The following WNT2 variants were observed in gnomAD, a reference collection of about 807,000 sequenced individuals.
WNT2 encodes protein Wnt-2.
A neutral mutation model predicts 36.9 loss-of-function variants in WNT2; 12 were observed. The ratio of observed to expected loss-of-function variants is 0.33; its 90% CI spans 0.21 to 0.53. The LOEUF (loss-of-function observed/expected upper bound fraction) is 0.53. Ranked by LOEUF, WNT2 falls within the 20% of genes least tolerant of loss-of-function variation. WNT2 has a pLI of 0.95. For synonymous variants in WNT2, 163 were observed against 174.6 expected, an observed-to-expected ratio of 0.93 and a Z score of 0.52; for missense variants, 379 against 473.1, an observed-to-expected ratio of 0.80 and a Z score of 1.84.
chr7:117,307,439 C>T (rs1795035605), intron 3 of WNT2, among the ~76,000 whole-genome samples: 1 of 152,128 alleles, frequency 6.6e-6, no homozygotes, highest in Non-Finnish European at 1.5e-5. Flanking sequence ...GGATATAAGC[C>T]AAGCCTGTCT....
intron 4 of WNT2, among the ~76,000 whole-genome samples, chr7:117,294,788 C>T (rs888100412): frequency 6.6e-6 from 1 of 152,098 alleles, no homozygotes; most frequent in African/African-American, 2.4e-5. Context: ...AGAGTAAAAT[C>T]GTTGTTGAAA....
In WNT2 at chr7:117,322,626, T is replaced by C. The variant is rs1226293997; in HGVS notation, c.83+281A>G. On this transcript the variant is annotated intron_variant, in intron 1 of 4. Coordinates refer to ENST00000265441, the MANE Select transcript of WNT2 (RefSeq NM_003391.3). This position sits in a 1 kb window ranked among gnomAD's most constrained non-coding sequence, Gnocchi z 5.4. ...GCACGTCTCTCAACAGGATAAGAAA[T>C]TGGCTGATTTTGCTGTCGCTCAGCT... 6.6e-6 allele frequency among the ~76,000 whole-genome samples: 1 copy of C among 150,924 alleles called. No individual in the cohort carries two copies. The highest frequency in any genetic ancestry group is 6.6e-5 in the Admixed American group (1 of 15,174).
At chr7:117,294,059 T>A (rs1794741854) in intron 4 of WNT2, among the ~76,000 whole-genome samples, 1 of 152,142 alleles carries the variant, frequency 6.6e-6, no homozygotes, top group Non-Finnish European at 1.5e-5. Flanking sequence ...AAACCTCAAC[T>A]TTATTTATTT....
chr7:117,278,434 A>C (rs765192218), intron 4 of WNT2, 50 bp from the exon 5 acceptor site: 2 of 1,545,470 alleles, frequency 1.3e-6, no homozygotes, highest in African/African-American at 1.4e-5. Context: ...GTGGAATCCA[A>C]TATGCCTCCA....
intron 2 of WNT2, among the ~76,000 whole-genome samples, chr7:117,319,603 T>C (rs1485729090): frequency 1.3e-5 from 2 of 152,138 alleles, no homozygotes; most frequent in Non-Finnish European, 2.9e-5. Context: ...TTCTGTCAGA[T>C]TTTCTAATAG....
chr7:117,309,048 T>C (rs1196371545), intron 3 of WNT2, among the ~76,000 whole-genome samples: 5 of 151,248 alleles, frequency 3.3e-5, no homozygotes, highest in Non-Finnish European at 5.9e-5. Flanking sequence ...AAAAAATTAG[T>C]TGAGCACAGT....
At chr7:117,295,300 T>C (rs1346778779) in intron 4 of WNT2, among the ~76,000 whole-genome samples, 2 of 152,202 alleles carry the variant, frequency 1.3e-5, no homozygotes, top group African/African-American at 2.4e-5. Flanking sequence ...TTATAGACTT[T>C]CTGTGAGAGT....
chr7:117,313,191 C>T (rs1453468165), intron 3 of WNT2, among the ~76,000 whole-genome samples: 1 of 152,188 alleles, frequency 6.6e-6, no homozygotes, highest in Non-Finnish European at 1.5e-5. Context: ...GGAGTAGAGA[C>T]TGGGGGTCTA....
intron 3 of WNT2, among the ~76,000 whole-genome samples, chr7:117,301,729 T>G (rs1170654621): frequency 6.6e-6 from 1 of 152,136 alleles, no homozygotes; most frequent in Non-Finnish European, 1.5e-5. Context: ...AAAATTCTAC[T>G]ATAAATCACA....
chr7:117,311,827 C>A (rs1283189663), intron 3 of WNT2, among the ~76,000 whole-genome samples: 1 of 152,168 alleles, frequency 6.6e-6, no homozygotes, highest in Non-Finnish European at 1.5e-5. Flanking sequence ...CGTAGCACCA[C>A]AAAATGCCCT....
At chr7:117,279,703 T>C (rs1266089566) in intron 4 of WNT2, among the ~76,000 whole-genome samples, 1 of 152,184 alleles carries the variant, frequency 6.6e-6, no homozygotes, top group African/African-American at 2.4e-5. Flanking sequence ...TCCTAGAGAC[T>C]CTGTATCCTT....
intron 4 of WNT2, among the ~76,000 whole-genome samples, chr7:117,286,839 G>T (rs1584677101): frequency 6.6e-6 from 1 of 152,040 alleles, no homozygotes; most frequent in African/African-American, 2.4e-5. Flanking sequence ...AGTTTGACTG[G>T]CACAGGAAAG....
rs140865051 is a variant in WNT2 at position 117,283,330 on chromosome 7, G to A, written c.854-4946C>T. Among the ~76,000 whole-genome samples the A allele has an allele frequency of 3.6e-3, 547 of 152,302 alleles. 7 individuals are homozygous for A. Among genetic ancestry groups the A allele is most frequent in the African/African-American group, 0.012 (503 of 41,554 alleles). ...TACTTTTTTGTTATTGTTCACATGC[G>A]CTGAGCAGCAGTAAACATTCTTCCC... On this transcript the variant is annotated intron_variant, in intron 4 of 4. Transcript: ENST00000265441.
rs2024233 is a variant in WNT2, at chr7:117,277,373, G to C, written c.*782C>G. On this transcript the variant is annotated 3_prime_UTR_variant, in exon 5 of 5. Transcript: ENST00000265441. ...ATTCATCTTCTTTTTAATTCCCTTCGGATTCTAAGTGAGAAGGAACTCTCA... is the reference window on the plus strand; with the variant it reads ...ATTCATCTTCTTTTTAATTCCCTTCCGATTCTAAGTGAGAAGGAACTCTCA... 2 of 152,106 alleles carry C rather than the reference G, an allele frequency of 1.3e-5. No individual in the cohort carries two copies. Among genetic ancestry groups the C allele is most frequent in the African/African-American group, 4.8e-5 (2 of 41,484 alleles). 9.4% of individuals were successfully genotyped at this position (152,106 alleles called of 1,614,324 possible).
intron 3 of WNT2, among the ~76,000 whole-genome samples, chr7:117,306,299 G>A (rs1028831387): frequency 1.3e-5 from 2 of 152,168 alleles, no homozygotes; most frequent in South Asian, 2.1e-4. Flanking sequence ...ACTTTGAAAT[G>A]TTCTGGAAGG....
intron 3 of WNT2, among the ~76,000 whole-genome samples, chr7:117,299,760 T>C (rs912346832): frequency 6.6e-6 from 1 of 152,146 alleles, no homozygotes; most frequent in Non-Finnish European, 1.5e-5. Flanking sequence ...CCTCCCAAAA[T>C]GGTGAGGGAT....
chr7:117,297,997 C>T, intron 3 of WNT2, 121 bp from the exon 4 acceptor site: 1 of 1,349,718 alleles, frequency 7.4e-7, no homozygotes, highest in African/African-American at 1.5e-5. Context: ...GGGCAAGTGA[C>T]TGGGAAATGT....
intron 3 of WNT2, among the ~76,000 whole-genome samples, chr7:117,302,781 C>A (rs541552247): frequency 6.6e-6 from 1 of 152,014 alleles, no homozygotes; most frequent in Non-Finnish European, 1.5e-5. Context: ...GAAAGTCAAG[C>A]GATAAAAGCA....
intron 3 of WNT2, among the ~76,000 whole-genome samples, chr7:117,308,426 T>C (rs998224086): frequency 1.3e-5 from 2 of 152,198 alleles, no homozygotes; most frequent in African/African-American, 2.4e-5. Context: ...CCACTAACAA[T>C]AGAACTTTAC....
Sources: gnomAD v4.1 joint callset for allele counts (sites outside exome capture counted in the v4.1 genomes callset) on GRCh38, gnomAD v4.1.1 for gene constraint, Gnocchi (gnomAD v3.1) non-coding constraint, MANE v1.5 for transcripts, NCBI Gene and HGNC (gene_info 2026-07-23, HGNC 2026-07-21) for gene names.